The following BMPR2 variants were observed in gnomAD, a reference collection of about 807,000 sequenced individuals.
The protein encoded by BMPR2 is bone morphogenetic protein receptor type 2.
BMPR2 carries 29 observed loss-of-function variants against 100.8 expected under a neutral mutation model. That is an observed-to-expected ratio of 0.29 (90% CI 0.21 to 0.39). The LOEUF is 0.39. Among genes scored for constraint, BMPR2 ranks in the 10% least tolerant of loss-of-function variants. The pLI, the probability that BMPR2 is intolerant of heterozygous loss-of-function variation, is 1.00. For synonymous variants in BMPR2, 382 were observed against 442.3 expected (o/e 0.86, Z 1.71); for missense variants, 1,011 against 1,274.5 (o/e 0.79, Z 3.15).
chr2:202,555,337 C>G lies in BMPR2; in HGVS notation c.1672C>G (p.His558Asp), dbSNP rs767089934. 1 of 1,614,144 alleles carries G rather than the reference C, an allele frequency of 6.2e-7. No homozygotes were observed. The highest frequency in any genetic ancestry group is 2.2e-5 in the East Asian group (1 of 44,890). Residue 558 changes from histidine to aspartate, a missense_variant, in exon 12 of 13, where the codon CAT (histidine) becomes GAT (aspartate). Physicochemically the swap from His to Asp is moderately conservative, Grantham distance 81. Coordinates refer to ENST00000374580, the MANE Select transcript of BMPR2 (RefSeq NM_001204.7). ...CTCATACATTGAAGACTCTATCCAT[C>G]ATACTGACAGCATCGTGAAGAATAT... Reference protein sequence around the residue: ...SSSYIEDSIHHTDSIVKNISS... With the variant: ...SSSYIEDSIHDTDSIVKNISS...
intron 3 of BMPR2, among the ~76,000 whole-genome samples, chr2:202,499,093 T>C (rs1360621703): frequency 2.6e-5 from 4 of 152,110 alleles, no homozygotes; most frequent in African/African-American, 4.8e-5. Context: ...TATGTCCCCT[T>C]CAAGCTGTAG....
chr2:202,427,148 C>T (rs1017462243), intron 1 of BMPR2, among the ~76,000 whole-genome samples: 1 of 151,734 alleles, frequency 6.6e-6, no homozygotes, highest in Non-Finnish European at 1.5e-5. Flanking sequence ...CCCTAGAGTT[C>T]GAGACAAACC....
chr2:202,524,073 A>G (rs967719005), intron 7 of BMPR2, among the ~76,000 whole-genome samples: 2 of 151,206 alleles, frequency 1.3e-5, no homozygotes, highest in African/African-American at 4.9e-5. Context: ...CTAAAAACTA[A>G]CTGTTGGGGC....
At chr2:202,483,097 G>A (rs1692692885) in intron 3 of BMPR2, among the ~76,000 whole-genome samples, 1 of 152,022 alleles carries the variant, frequency 6.6e-6, no homozygotes, top group African/African-American at 2.4e-5. Flanking sequence ...TTGTGGTTTT[G>A]TTTTATATTT....
rs73050802 is a variant in BMPR2 at position 202,401,069 on chromosome 2, C to T, written c.76+23519C>T. On this transcript the variant is annotated intron_variant, in intron 1 of 12. Transcript: ENST00000374580. ...AATGGAAAGAATATTTTATAACATT[C>T]TTATTATCTAAGCCAGGCAAAGGTT... is the stretch of plus-strand genomic sequence containing the variant. Among the ~76,000 whole-genome samples, 577 of 152,232 alleles carry T rather than the reference C, an allele frequency of 3.8e-3. 4 individuals are homozygous for T. The highest frequency in any genetic ancestry group is 0.013 in the African/African-American group (550 of 41,530).
At chr2:202,382,123 G>A (rs894675721) in intron 1 of BMPR2, among the ~76,000 whole-genome samples, 3 of 145,476 alleles carry the variant, frequency 2.1e-5, no homozygotes, top group South Asian at 2.2e-4. Flanking sequence ...GGAGTGGCAC[G>A]ATCTCGACTC....
intron 12 of BMPR2, 63 bp downstream of exon 12, chr2:202,556,594 A>G (rs887246861): frequency 2.6e-6 from 4 of 1,527,106 alleles, no homozygotes; most frequent in Non-Finnish European, 3.6e-6. Flanking sequence ...ATAACTATTT[A>G]GAATCAACTA....
At chr2:202,422,143 G>A (rs1418294696) in intron 1 of BMPR2, among the ~76,000 whole-genome samples, 6 of 152,024 alleles carry the variant, frequency 3.9e-5, no homozygotes, top group South Asian at 2.1e-4. Context: ...TCCTGACTTC[G>A]TGATCTGCCC....
At chr2:202,390,330 C>T (rs184019874) in intron 1 of BMPR2, among the ~76,000 whole-genome samples, 85 of 139,928 alleles carry the variant, frequency 6.1e-4, no homozygotes, top group African/African-American at 2.0e-3. Context: ...CCTTTTCTTT[C>T]GTGTTTTTTT....
chr2:202,551,080 C>G (rs1688469328), intron 10 of BMPR2, among the ~76,000 whole-genome samples: 1 of 150,808 alleles, frequency 6.6e-6, no homozygotes, highest in African/African-American at 2.4e-5. Context: ...CCTCAGCATC[C>G]CAAATAGCAG....
chr2:202,416,378 G>A (rs558157937), intron 1 of BMPR2, among the ~76,000 whole-genome samples: 6 of 151,062 alleles, frequency 4.0e-5, no homozygotes, highest in African/African-American at 7.3e-5. Flanking sequence ...AACCCACCTC[G>A]GCCTTCCAAG....
intron 1 of BMPR2, among the ~76,000 whole-genome samples, chr2:202,398,811 A>G (rs540304332): frequency 4.6e-5 from 7 of 152,314 alleles, no homozygotes; most frequent in African/African-American, 1.4e-4. Context: ...CCCTGACTTC[A>G]ATGGCACTTA....
At chr2:202,384,252 T>C (rs1182519093) in intron 1 of BMPR2, among the ~76,000 whole-genome samples, 1 of 152,234 alleles carries the variant, frequency 6.6e-6, no homozygotes, top group Non-Finnish European at 1.5e-5. Context: ...CACTGTACCT[T>C]AACCCTGCCT....
intron 1 of BMPR2, among the ~76,000 whole-genome samples, chr2:202,381,473 C>T (rs772350659): frequency 5.3e-5 from 8 of 152,162 alleles, no homozygotes; most frequent in Non-Finnish European, 1.2e-4. Context: ...CCAAGCCCAA[C>T]CCTACCAGCA....
intron 10 of BMPR2, among the ~76,000 whole-genome samples, chr2:202,546,483 G>GT: frequency 6.6e-6 from 1 of 152,280 alleles, no homozygotes; most frequent in African/African-American, 2.4e-5. Flanking sequence ...ACATGAAAAT[G>GT]TTAAACCATA....
intron 8 of BMPR2, 152 bp downstream of exon 8, chr2:202,531,106 C>A: frequency 1.1e-6 from 1 of 884,102 alleles, no homozygotes; most frequent in South Asian, 1.5e-5. Flanking sequence ...AGTTCGAGAC[C>A]AGCTTGGCCA....
At position 202,515,016 on chromosome 2, in the gene BMPR2, C is replaced by G. The variant is rs78779412; in HGVS notation, c.621+37C>G. ...GTTAGATTATGGACTGTTGTTTCTA[C>G]TGTGATACTAGACCTGGAACAGTGA... On this transcript the variant is annotated intron_variant, in intron 5 of 12. Coordinates refer to ENST00000374580, the MANE Select transcript of BMPR2 (RefSeq NM_001204.7). The G allele has an allele frequency of 1.2e-3, 1,901 of 1,530,420 alleles. 28 individuals carry two copies. The African/African-American group carries it at 0.021, about 17-fold the overall frequency. The allele number at this position is 1,530,420 out of a possible 1,614,324, so 94.8% of individuals were successfully genotyped here. A position where few individuals can be genotyped will look rare whatever the true frequency, so the allele number is the denominator to read the frequency against.
intron 1 of BMPR2, among the ~76,000 whole-genome samples, chr2:202,406,858 T>C (rs888594218): frequency 6.6e-6 from 1 of 152,164 alleles, no homozygotes; most frequent in African/African-American, 2.4e-5. Context: ...GCTATAATTG[T>C]CTGATAGTAG....
At chr2:202,436,895 G>A (rs558081993) in intron 1 of BMPR2, among the ~76,000 whole-genome samples, 5 of 150,784 alleles carry the variant, frequency 3.3e-5, no homozygotes, top group African/African-American at 1.0e-4. Flanking sequence ...TCGCCTTGCA[G>A]TAAGAATTGT....
Sources: gnomAD v4.1 joint callset for allele counts (sites outside exome capture counted in the v4.1 genomes callset) on GRCh38, gnomAD v4.1.1 for gene constraint, MANE v1.5 for transcripts, NCBI Gene and HGNC (gene_info 2026-07-23, HGNC 2026-07-21) for gene names.